LBR: variants seen among roughly 807,000 people sequenced by gnomAD.
LBR encodes delta(14)-sterol reductase LBR.
In LBR, 28 loss-of-function variants were observed where a neutral mutation model predicts 74.3. That is an observed-to-expected ratio of 0.38 (90% CI 0.28 to 0.52). The LOEUF is 0.52. Among genes scored for constraint, LBR ranks in the 20% least tolerant of loss-of-function variants. The pLI is 0.89. For synonymous variants in LBR, 228 were observed against 269.3 expected, an observed-to-expected ratio of 0.85 and a Z score of 1.50; for missense variants, 717 against 760.3, an observed-to-expected ratio of 0.94 and a Z score of 0.67.
intron 7 of LBR, among the ~76,000 whole-genome samples, chr1:225,414,721 C>A (rs2096113733): frequency 6.6e-6 from 1 of 152,140 alleles, no homozygotes; most frequent in South Asian, 2.1e-4. Flanking sequence ...AGTGGAGAGA[C>A]CCTAATGAAG....
Position 225,402,436 on chromosome 1 carries a change from T to C in LBR, c.*867A>G, listed in dbSNP as rs2096083443. 1 of 152,538 alleles carries C rather than the reference T, an allele frequency of 6.6e-6. No individual in the cohort carries two copies. Among genetic ancestry groups the C allele is most frequent in the African/African-American group, 2.4e-5 (1 of 41,566 alleles). The allele number at this position is 152,538 out of a possible 1,614,324, so 9.4% of individuals were successfully genotyped here. On this transcript the variant is annotated 3_prime_UTR_variant, in exon 14 of 14. Transcript: ENST00000272163. ...TATAAAGGCAAACAAACACCTGCAA[T>C]TGAGGTAGCAAAGCCAAATTCACAA...
At chr1:225,420,169 G>A (rs1044713379) in intron 3 of LBR, among the ~76,000 whole-genome samples, 3 of 152,030 alleles carry the variant, frequency 2.0e-5, no homozygotes, top group Admixed American at 6.6e-5. Flanking sequence ...AATTAGCCAC[G>A]CACGGTAGCG....
rs11551873 is a variant in LBR at position 225,422,160 on chromosome 1, G to A, written c.283C>T (p.Arg95Cys). 8.6e-5 allele frequency: 138 copies of A among 1,613,942 alleles called. No individual in the cohort carries two copies. The highest frequency in any genetic ancestry group is 1.0e-4 in the Non-Finnish European group (120 of 1,180,040). The part of the protein sequence containing the change: ...RSPGRPPKSA[R>C]RSASASHQAD... The stretch of plus-strand genomic sequence containing the variant: ...TGGTGGGAAGCAGAAGCAGATCGGC[G>A]GGCACTTTTAGGTGGTCGACCAGGG... Residue 95 changes from arginine to cysteine, a missense_variant, in exon 3 of 14, where the codon CGC becomes TGC. Physicochemically the swap from Arg to Cys is radical, Grantham distance 180. Transcript: ENST00000272163.
intron 13 of LBR, among the ~76,000 whole-genome samples, chr1:225,403,801 A>T (rs1333687650): frequency 6.6e-6 from 1 of 152,088 alleles, no homozygotes; most frequent in African/African-American, 2.4e-5. Flanking sequence ...CTGGGCCACC[A>T]AACAGGCAGC....
chr1:225,409,270 C>T (rs979544197), intron 10 of LBR, among the ~76,000 whole-genome samples: 3 of 152,174 alleles, frequency 2.0e-5, no homozygotes, highest in Non-Finnish European at 4.4e-5. Flanking sequence ...ACTAATCCCA[C>T]CGCTTGTAAT....
At chr1:225,428,299 G>C (rs2096145379), upstream of LBR, among the ~76,000 whole-genome samples, 1 of 152,076 alleles carries the variant, frequency 6.6e-6, no homozygotes, top group South Asian at 2.1e-4. Context: ...GGGGCGGCCC[G>C]GAGCGCGACG....
At chr1:225,424,397 A>G (rs2096135159) in intron 1 of LBR, among the ~76,000 whole-genome samples, 1 of 152,270 alleles carries the variant, frequency 6.6e-6, no homozygotes, top group South Asian at 2.1e-4. Context: ...ACAATCTCAC[A>G]AAGAACACAT....
At chr1:225,412,192 C>T (rs763481176) in intron 8 of LBR, among the ~76,000 whole-genome samples, 1 of 152,128 alleles carries the variant, frequency 6.6e-6, no homozygotes, top group Non-Finnish European at 1.5e-5. Context: ...GTCAAAATGC[C>T]TGTAAGTTTA....
chr1:225,415,254 T>A (rs745459479), intron 7 of LBR, 24 bp downstream of exon 7: 6 of 1,465,154 alleles, frequency 4.1e-6, no homozygotes, highest in Non-Finnish European at 5.7e-6. Context: ...ATCATCAATT[T>A]GAGTCTTAAA....
intron 10 of LBR, 61 bp from the exon 11 acceptor site, chr1:225,406,893 A>C: frequency 6.5e-7 from 1 of 1,532,938 alleles, no homozygotes; most frequent in South Asian, 1.1e-5. Flanking sequence ...ATTCAAATAA[A>C]GTACTAGTTT....
At chr1:225,413,312 GT>G (rs755859308) in intron 7 of LBR, among the ~76,000 whole-genome samples, 10 of 152,228 alleles carry the variant, frequency 6.6e-5, no homozygotes, top group Non-Finnish European at 1.3e-4. Flanking sequence ...CACCCGCCCT[GT>G]GACGCTCCAC....
At chr1:225,417,691 G>C (rs1394502540) in intron 6 of LBR, 3 of 293,034 alleles carry the variant, frequency 1.0e-5, no homozygotes, top group Non-Finnish European at 1.3e-5. Flanking sequence ...GGTTTGAAAA[G>C]TTACACAAGA....
chr1:225,421,256 G>GGCCGA (rs2096126949), intron 3 of LBR, among the ~76,000 whole-genome samples: 1 of 152,254 alleles, frequency 6.6e-6, no homozygotes, highest in Non-Finnish European at 1.5e-5. Flanking sequence ...CACTTTGGGA[G>GGCCGA]GCCGAGGCGG....
chr1:225,417,932 A>G lies in LBR; in HGVS notation c.837+52T>C, dbSNP rs367937424. On this transcript the variant is annotated intron_variant, in intron 6 of 13. Coordinates refer to ENST00000272163, the MANE Select transcript of LBR (RefSeq NM_002296.4). ...CAGAAATTGGAGACCCGCCTGGACA[A>G]TATAGTGAGACCTCATCTTATTAAA... 1.4e-4 allele frequency: 219 copies of G among 1,544,616 alleles called. 1 individual carries two copies. The South Asian group carries it at 2.1e-3, about 15-fold the overall frequency.
chr1:225,422,445 C>T (rs554816090), intron 2 of LBR, 168 bp from the exon 3 acceptor site: 38 of 649,310 alleles, frequency 5.9e-5, no homozygotes, highest in South Asian at 5.6e-4. Flanking sequence ...ATGGAAAATG[C>T]TTTCATAATG....
At chr1:225,410,948 A>C (rs2096103941) in intron 9 of LBR, among the ~76,000 whole-genome samples, 3 of 152,224 alleles carry the variant, frequency 2.0e-5, no homozygotes, top group Non-Finnish European at 4.4e-5. Flanking sequence ...CTCCAAGGTT[A>C]ATGTTGTGAG....
intron 3 of LBR, among the ~76,000 whole-genome samples, chr1:225,421,442 G>A (rs1467924352): frequency 6.6e-6 from 1 of 152,244 alleles, no homozygotes; most frequent in Non-Finnish European, 1.5e-5. Context: ...GCAGTGAGCT[G>A]AGATTGCGCC....
chr1:225,425,536 C>CT (rs1475475408), intron 1 of LBR, among the ~76,000 whole-genome samples: 48 of 151,990 alleles, frequency 3.2e-4, no homozygotes, highest in Non-Finnish European at 6.2e-4. Context: ...CTGAGTCACC[C>CT]GAGGGGCACT....
At chr1:225,422,998 T>A (rs1191004207) in intron 2 of LBR, among the ~76,000 whole-genome samples, 1 of 152,232 alleles carries the variant, frequency 6.6e-6, no homozygotes, top group Non-Finnish European at 1.5e-5. Context: ...GCCGCTCCCA[T>A]AAAGTCTAAA....
Sources: gnomAD v4.1 joint callset for allele counts (sites outside exome capture counted in the v4.1 genomes callset) on GRCh38, gnomAD v4.1.1 for gene constraint, MANE v1.5 for transcripts, NCBI Gene and HGNC (gene_info 2026-07-23, HGNC 2026-07-21) for gene names.